TLN2: variants seen among roughly 807,000 people sequenced by gnomAD.
TLN2 encodes the protein talin-2.
TLN2 carries 118 observed loss-of-function variants against 294.7 expected under a neutral mutation model. The observed-to-expected ratio is 0.40, with a 90% CI of 0.34 to 0.47. TLN2 has a LOEUF of 0.47. Among genes scored for constraint, TLN2 ranks in the 20% least tolerant of loss-of-function variants. TLN2 has a pLI of 0.84. For synonymous variants in TLN2, 1,431 were observed against 1,304.5 expected (o/e 1.10, Z -2.09); for missense variants, 3,083 against 3,282.2 (o/e 0.94, Z 1.48).
chr15:62,749,328 T>C (rs1263107236), intron 33 of TLN2, among the ~76,000 whole-genome samples: 1 of 152,254 alleles, frequency 6.6e-6, no homozygotes, highest in Non-Finnish European at 1.5e-5. Context: ...AGAATGTTTC[T>C]TACATTGGCT....
At chr15:62,469,442 T>A (rs374157871) in intron 1 of TLN2, among the ~76,000 whole-genome samples, 1 of 152,248 alleles carries the variant, frequency 6.6e-6, no homozygotes, top group African/African-American at 2.4e-5. Context: ...AGCTGTTCTT[T>A]ATAAAGAAAA....
intron 46 of TLN2, 66 bp downstream of exon 46, chr15:62,792,853 C>T: frequency 1.3e-6 from 2 of 1,586,448 alleles, no homozygotes; most frequent in South Asian, 1.2e-5. Context: ...CCGCTGTAAT[C>T]AAGGACAAAA....
At chr15:62,396,558 T>C (rs545114934) in intron 1 of TLN2, among the ~76,000 whole-genome samples, 2 of 152,312 alleles carry the variant, frequency 1.3e-5, no homozygotes, top group East Asian at 1.9e-4. Flanking sequence ...GTGTAAAGGA[T>C]AGCTTCAGAA....
chr15:62,769,728 C>T (rs1046518932), intron 41 of TLN2, among the ~76,000 whole-genome samples: 1 of 152,024 alleles, frequency 6.6e-6, no homozygotes, highest in African/African-American at 2.4e-5. Flanking sequence ...TCCACATCCC[C>T]ACAACACTCA....
intron 2 of TLN2, among the ~76,000 whole-genome samples, chr15:62,618,147 G>T (rs1270954690): frequency 6.6e-6 from 1 of 151,642 alleles, no homozygotes; most frequent in South Asian, 2.1e-4. Flanking sequence ...ATAACAGCCA[G>T]GTGGATCATA....
intron 52 of TLN2, among the ~76,000 whole-genome samples, chr15:62,815,173 TCTGTCACACACACACACACACA>T (rs1224270126): frequency 3.7e-5 from 5 of 133,922 alleles, no homozygotes; most frequent in African/African-American, 1.4e-4. Context: ...TTTTATTCTG[TCTGTCACACACACACACACACA>T]CACACACACA....
chr15:62,482,144 T>C (rs561595967), intron 1 of TLN2, among the ~76,000 whole-genome samples: 12 of 152,328 alleles, frequency 7.9e-5, no homozygotes, highest in South Asian at 6.2e-4. Flanking sequence ...CGATAAATTA[T>C]GTAACCACTC....
In TLN2 at chr15:62,669,927, G is replaced by C. The variant is rs570105028; in HGVS notation, c.789-3900G>C. ...CCACAAACCGATTCTTGAGACCTCA[G>C]GGGTAACACCTCTAGTGCACCTTCT... On this transcript the variant is annotated intron_variant, in intron 9 of 58. Transcript: ENST00000636159. 2.0e-5 allele frequency among the ~76,000 whole-genome samples: 3 copies of C among 152,312 alleles called. No individual in the cohort carries two copies. In the South Asian group the frequency reaches 6.2e-4, roughly 32 times the overall value.
At chr15:62,623,643 A>AT (rs1399504819) in intron 3 of TLN2, among the ~76,000 whole-genome samples, 2 of 152,202 alleles carry the variant, frequency 1.3e-5, no homozygotes, top group East Asian at 3.9e-4. Context: ...TACTGTTAAC[A>AT]TTTATTTTGC....
chr15:62,568,272 C>A (rs2043576496), intron 1 of TLN2, among the ~76,000 whole-genome samples: 1 of 152,026 alleles, frequency 6.6e-6, no homozygotes, highest in South Asian at 2.1e-4. Context: ...AGAGTGGAGC[C>A]CGAGCAGGCA....
chr15:62,493,923 T>C (rs556464818), intron 1 of TLN2, among the ~76,000 whole-genome samples: 168 of 152,262 alleles, frequency 1.1e-3, no homozygotes, highest in African/African-American at 3.8e-3. Context: ...GGTTGCCTCT[T>C]AGGTAAGTAA....
intron 25 of TLN2, among the ~76,000 whole-genome samples, chr15:62,721,932 TG>T (rs2060173699): frequency 6.6e-6 from 1 of 152,252 alleles, no homozygotes; most frequent in Non-Finnish European, 1.5e-5. Flanking sequence ...TATTTTGCTT[TG>T]TGAGGTGCGA....
At chr15:62,504,852 A>AG (rs1376009141) in intron 1 of TLN2, among the ~76,000 whole-genome samples, 1 of 127,354 alleles carries the variant, frequency 7.9e-6, no homozygotes, top group Non-Finnish European at 1.6e-5. Flanking sequence ...TGTGTGAGAG[A>AG]GAGAGAGAGA....
chr15:62,509,242 A>G (rs554165760), intron 1 of TLN2, among the ~76,000 whole-genome samples: 4 of 151,886 alleles, frequency 2.6e-5, no homozygotes, highest in Admixed American at 1.3e-4. Flanking sequence ...CTTCATAAAA[A>G]TGGATTGGCT....
chr15:62,678,250 T>C (rs150098406), intron 11 of TLN2, among the ~76,000 whole-genome samples: 3,727 of 152,344 alleles, frequency 0.024, 76 homozygotes, highest in South Asian at 0.051. Flanking sequence ...GTTTTTAATA[T>C]AATTTATGTG....
At chr15:62,618,970 A>G (rs1454326707) in intron 3 of TLN2, among the ~76,000 whole-genome samples, 2 of 152,134 alleles carry the variant, frequency 1.3e-5, no homozygotes, top group African/African-American at 2.4e-5. Context: ...TGTGCCTTTC[A>G]TTTTTGCAGA....
intron 50 of TLN2, among the ~76,000 whole-genome samples, chr15:62,803,517 C>T (rs1192185521): frequency 6.6e-6 from 1 of 152,072 alleles, no homozygotes; most frequent in South Asian, 2.1e-4. Context: ...TTTTTGTCTC[C>T]TCTATGTTTT....
intron 28 of TLN2, among the ~76,000 whole-genome samples, chr15:62,736,419 T>C (rs1157168570): frequency 6.6e-6 from 1 of 152,116 alleles, no homozygotes; most frequent in African/African-American, 2.4e-5. Flanking sequence ...TGATGGTGGA[T>C]ATGTGGCTGT....
intron 1 of TLN2, among the ~76,000 whole-genome samples, chr15:62,468,601 C>T (rs1169843776): frequency 6.6e-6 from 1 of 151,832 alleles, no homozygotes. Flanking sequence ...AAAAATTAGC[C>T]GGGTGTGGTG....
Sources: gnomAD v4.1 joint callset for allele counts (sites outside exome capture counted in the v4.1 genomes callset) on GRCh38, gnomAD v4.1.1 for gene constraint, MANE v1.5 for transcripts, NCBI Gene and HGNC (gene_info 2026-07-23, HGNC 2026-07-21) for gene names.